The following PPP2R2C variants were observed in gnomAD, a reference collection of about 807,000 sequenced individuals.
PPP2R2C encodes protein phosphatase 2 regulatory subunit Bgamma.
Under a neutral mutation model 45.3 loss-of-function variants are expected in PPP2R2C, and 10 were observed. That is an observed-to-expected ratio of 0.22 (90% CI 0.14 to 0.37). PPP2R2C has a LOEUF of 0.37. Ranked by LOEUF, PPP2R2C falls within the 10% of genes least tolerant of loss-of-function variation. The pLI, the probability that PPP2R2C is intolerant of heterozygous loss-of-function variation, is 1.00. For synonymous variants in PPP2R2C, 257 were observed against 245.4 expected (o/e 1.05, Z -0.44); for missense variants, 308 against 619.7 (o/e 0.50, Z 5.34).
intron 6 of PPP2R2C, among the ~76,000 whole-genome samples, chr4:6,344,542 G>A (rs1711645957): frequency 6.6e-6 from 1 of 152,128 alleles, no homozygotes; most frequent in Non-Finnish European, 1.5e-5. Flanking sequence ...AAACATTGAG[G>A]GGTGCACAAA....
chr4:6,467,043 A>G (rs1365425488), intron 1 of PPP2R2C, among the ~76,000 whole-genome samples: 2 of 152,128 alleles, frequency 1.3e-5, no homozygotes, highest in Non-Finnish European at 2.9e-5. Context: ...CAGTGCAGGG[A>G]AACTGAGGCT....
At position 6,549,810 on chromosome 4, in the gene PPP2R2C, G is replaced by A. The variant is rs114273167; in HGVS notation, c.-59+13750C>T. 8.3e-3 allele frequency among the ~76,000 whole-genome samples: 1,258 copies of A among 152,314 alleles called. 21 individuals are homozygous for A. The highest frequency in any genetic ancestry group is 0.028 in the African/African-American group (1,174 of 41,552). ...ACACAGTAGGCACTTATTCAGTGGT[G>A]GCCACTATTGAGCCTGCCCTGACAG... On this transcript the variant is annotated intron_variant, in intron 1 of 9. Transcript: ENST00000506140.
At chr4:6,484,148 C>T (rs982862770) in intron 2 of PPP2R2C, among the ~76,000 whole-genome samples, 1 of 151,946 alleles carries the variant, frequency 6.6e-6, no homozygotes, top group Non-Finnish European at 1.5e-5. Flanking sequence ...ATCTATGATC[C>T]ATTTTGAATA....
chr4:6,395,469 C>A (rs1716957170), intron 1 of PPP2R2C, among the ~76,000 whole-genome samples: 1 of 152,184 alleles, frequency 6.6e-6, no homozygotes, highest in Non-Finnish European at 1.5e-5. Context: ...CTGGTTTCCA[C>A]CTCCCTTTCC....
intron 1 of PPP2R2C, among the ~76,000 whole-genome samples, chr4:6,456,759 T>C (rs992966260): frequency 6.6e-6 from 1 of 152,214 alleles, no homozygotes; most frequent in East Asian, 1.9e-4. Flanking sequence ...ATTCTTGAGC[T>C]GCCGCCTTTA....
chr4:6,344,564 C>T (rs79680383), intron 6 of PPP2R2C, among the ~76,000 whole-genome samples: 2,421 of 152,304 alleles, frequency 0.016, 64 homozygotes, highest in African/African-American at 0.054. Flanking sequence ...CTGTCCTATG[C>T]CCGTCTCTGT....
chr4:6,407,679 T>C (rs1717891736), intron 1 of PPP2R2C, among the ~76,000 whole-genome samples: 1 of 152,158 alleles, frequency 6.6e-6, no homozygotes, highest in South Asian at 2.1e-4. Flanking sequence ...GGATTACAGG[T>C]GTAAGCCACT....
intron 1 of PPP2R2C, among the ~76,000 whole-genome samples, chr4:6,421,694 G>A (rs1301862318): frequency 7.2e-6 from 1 of 139,362 alleles, no homozygotes; most frequent in African/African-American, 2.7e-5. Flanking sequence ...TAGGACGGCC[G>A]AGGGGGAGCC....
chr4:6,394,033 C>G (rs1422520221), intron 1 of PPP2R2C, among the ~76,000 whole-genome samples: 1 of 152,242 alleles, frequency 6.6e-6, no homozygotes, highest in African/African-American at 2.4e-5. Context: ...TGCCTTCCTT[C>G]TTGCAACACA....
At chr4:6,403,136 C>T (rs1717539928) in intron 1 of PPP2R2C, among the ~76,000 whole-genome samples, 1 of 152,264 alleles carries the variant, frequency 6.6e-6, no homozygotes, top group South Asian at 2.1e-4. Context: ...CATGGCAGGA[C>T]AGTGGGTGCC....
intron 1 of PPP2R2C, among the ~76,000 whole-genome samples, chr4:6,454,909 T>C (rs1720935700): frequency 6.6e-6 from 1 of 152,196 alleles, no homozygotes; most frequent in African/African-American, 2.4e-5. Context: ...CTCATCACCA[T>C]CATCGCTATT....
chr4:6,511,828 G>T (rs1560594448), intron 2 of PPP2R2C, among the ~76,000 whole-genome samples: 5 of 28,698 alleles, frequency 1.7e-4, no homozygotes, highest in African/African-American at 4.6e-4. Flanking sequence ...GATGGTGGTG[G>T]TGGTGGTGAT....
intron 1 of PPP2R2C, among the ~76,000 whole-genome samples, chr4:6,417,807 C>T (rs1222948764): frequency 6.6e-6 from 1 of 152,252 alleles, no homozygotes; most frequent in Non-Finnish European, 1.5e-5. Context: ...CCCTCGTCCA[C>T]AGCTCATTCC....
chr4:6,362,636 C>T (rs576706144), intron 5 of PPP2R2C, among the ~76,000 whole-genome samples: 2 of 152,306 alleles, frequency 1.3e-5, no homozygotes, highest in South Asian at 4.1e-4. Flanking sequence ...GCAAGGGAGC[C>T]CACCTCTCAG....
At chr4:6,365,717 G>C (rs1235031508) in intron 5 of PPP2R2C, among the ~76,000 whole-genome samples, 1 of 152,198 alleles carries the variant, frequency 6.6e-6, no homozygotes, top group Non-Finnish European at 1.5e-5. Flanking sequence ...GCGGTGAATG[G>C]CTGCACCCCC....
chr4:6,325,364 C>G (rs959233763), intron 8 of PPP2R2C, among the ~76,000 whole-genome samples: 1 of 152,148 alleles, frequency 6.6e-6, no homozygotes, highest in African/African-American at 2.4e-5. Context: ...GACTCAGAGC[C>G]TGGGACAAGG....
At chr4:6,486,576 T>C (rs1722536679) in intron 2 of PPP2R2C, among the ~76,000 whole-genome samples, 1 of 152,130 alleles carries the variant, frequency 6.6e-6, no homozygotes. Context: ...AACTTTTAAT[T>C]AATTGTTCCC....
At chr4:6,449,688 C>T (rs1363785083) in intron 1 of PPP2R2C, among the ~76,000 whole-genome samples, 3 of 152,230 alleles carry the variant, frequency 2.0e-5, no homozygotes, top group Non-Finnish European at 2.9e-5. Flanking sequence ...AGGCAGTCCA[C>T]GGGCCCCTGC....
chr4:6,382,243 G>A lies in PPP2R2C; in HGVS notation c.71-1149C>T. 9.0e-6 allele frequency: 11 copies of A among 1,216,038 alleles called. No individual in the cohort carries two copies. In the South Asian group the frequency reaches 1.6e-4, roughly 18 times the overall value. The allele number at this position is 1,216,038 out of a possible 1,614,324, so 75.3% of individuals were successfully genotyped here. ...CAAAAGCTAGTAGGAGCCCGGGATG[G>A]CCCGCTGCTGTGAATGGGACCTCTG... On this transcript the variant is annotated intron_variant, in intron 1 of 8. Transcript: ENST00000382599.
Sources: allele counts gnomAD v4.1 joint callset (sites outside exome capture counted in the v4.1 genomes callset), GRCh38; gene constraint gnomAD v4.1.1; transcripts MANE v1.5; gene names NCBI Gene and HGNC (gene_info 2026-07-23, HGNC 2026-07-21).